The following RBMS1 variants were observed in gnomAD, a reference collection of about 807,000 sequenced individuals.
RBMS1 encodes RNA binding motif single stranded interacting protein 1, also known as RNA-binding motif, single-stranded-interacting protein 1.
Under a neutral mutation model 62.3 loss-of-function variants are expected in RBMS1, and 17 were observed. The ratio of observed to expected loss-of-function variants is 0.27; its 90% CI spans 0.19 to 0.41. The LOEUF (loss-of-function observed/expected upper bound fraction) is 0.41, where lower values mean the gene tolerates loss of function less well. Ranked by LOEUF, RBMS1 falls within the 10% of genes least tolerant of loss-of-function variation. RBMS1 has a pLI of 1.00. For missense variants in RBMS1, 334 were observed against 504.5 expected (o/e 0.66, Z 3.24); for synonymous variants, 172 against 170.0 (o/e 1.01, Z -0.09).
At chr2:160,317,001 ACT>A (rs1253291861) in intron 3 of RBMS1, among the ~76,000 whole-genome samples, 1 of 152,022 alleles carries the variant, frequency 6.6e-6, no homozygotes, top group Non-Finnish European at 1.5e-5. Flanking sequence ...CTATAATTTG[ACT>A]CTCTCTAGTT....
chr2:160,419,860 G>A (rs1350075130), intron 1 of RBMS1, among the ~76,000 whole-genome samples: 2 of 152,182 alleles, frequency 1.3e-5, no homozygotes, highest in Non-Finnish European at 2.9e-5. Context: ...AGTCTGGATA[G>A]TACAAAGGTT....
At chr2:160,392,647 T>C (rs941785494) in intron 1 of RBMS1, among the ~76,000 whole-genome samples, 9 of 152,116 alleles carry the variant, frequency 5.9e-5, no homozygotes, top group Admixed American at 5.2e-4. Context: ...TCTAGCACTT[T>C]GGGAAGTCAA....
At chr2:160,486,190 A>G (rs1311898797) in intron 1 of RBMS1, among the ~76,000 whole-genome samples, 2 of 152,190 alleles carry the variant, frequency 1.3e-5, no homozygotes, top group Admixed American at 6.5e-5. Flanking sequence ...AAAGTATTTA[A>G]CAGGGGAAAT....
At chr2:160,473,339 T>G (rs994703278) in intron 1 of RBMS1, among the ~76,000 whole-genome samples, 1 of 152,244 alleles carries the variant, frequency 6.6e-6, no homozygotes, top group Non-Finnish European at 1.5e-5. Context: ...ATAGGAATAT[T>G]CAATCAACTG....
intron 4 of RBMS1, among the ~76,000 whole-genome samples, chr2:160,306,128 CGT>C (rs60939006): frequency 0.64 from 95,221 of 149,678 alleles, 30,499 homozygotes; most frequent in Middle Eastern, 0.74. Flanking sequence ...TTGTTTCTCT[CGT>C]GTGTGTGTGT....
At chr2:160,326,744 G>C (rs1445577879) in intron 2 of RBMS1, among the ~76,000 whole-genome samples, 1 of 152,148 alleles carries the variant, frequency 6.6e-6, no homozygotes, top group Non-Finnish European at 1.5e-5. Flanking sequence ...ATTACAATGA[G>C]GGATGACGAG....
At chr2:160,340,579 T>G (rs1365088894) in intron 2 of RBMS1, among the ~76,000 whole-genome samples, 1 of 152,106 alleles carries the variant, frequency 6.6e-6, no homozygotes, top group Admixed American at 6.5e-5. Flanking sequence ...GAAAAAGATC[T>G]GAGGCAGGTG....
At chr2:160,352,651 C>G (rs2106007443) in intron 2 of RBMS1, among the ~76,000 whole-genome samples, 1 of 152,238 alleles carries the variant, frequency 6.6e-6, no homozygotes, top group South Asian at 2.1e-4. Flanking sequence ...CGTTGGTATT[C>G]TTTTGGAAAT....
rs962266084 is a variant in RBMS1, at chr2:160,439,928, G to A, written c.75+53361C>T. ...AAACCAGTCAGGCGTGGCGGCGCGCGCCTGCAATCGCAGGCACTCGGCAAG... is the reference window on the plus strand; with the variant it reads ...AAACCAGTCAGGCGTGGCGGCGCGCACCTGCAATCGCAGGCACTCGGCAAG... On this transcript the variant is annotated intron_variant, in intron 1 of 13. Coordinates refer to ENST00000348849, the MANE Select transcript of RBMS1 (RefSeq NM_016836.4). 6.0e-4 allele frequency among the ~76,000 whole-genome samples: 91 copies of A among 152,048 alleles called. 1 individual carries two copies. The South Asian group carries it at 0.018, about 31-fold the overall frequency.
intron 1 of RBMS1, among the ~76,000 whole-genome samples, chr2:160,423,284 T>G (rs866962953): frequency 1.3e-5 from 2 of 152,020 alleles, no homozygotes; most frequent in Middle Eastern, 3.4e-3. Flanking sequence ...CATTAATATA[T>G]TTTCCTTTTA....
chr2:160,412,289 C>T (rs542443050), intron 1 of RBMS1, among the ~76,000 whole-genome samples: 6 of 152,302 alleles, frequency 3.9e-5, no homozygotes, highest in African/African-American at 1.4e-4. Flanking sequence ...CCCAAAGCAA[C>T]AATTTTAAAA....
intron 2 of RBMS1, among the ~76,000 whole-genome samples, chr2:160,355,008 C>T (rs759846583): frequency 4.6e-5 from 7 of 152,216 alleles, no homozygotes; most frequent in Admixed American, 2.0e-4. Flanking sequence ...GGCTCTCTCA[C>T]GAAATTTCGT....
At chr2:160,465,848 A>G (rs1162988566) in intron 1 of RBMS1, among the ~76,000 whole-genome samples, 1 of 114,384 alleles carries the variant, frequency 8.7e-6, no homozygotes, top group East Asian at 3.2e-4. Context: ...CCCACACCAC[A>G]CACACACACA....
chr2:160,396,241 T>A (rs1330967965), intron 1 of RBMS1, among the ~76,000 whole-genome samples: 1 of 152,018 alleles, frequency 6.6e-6, no homozygotes, highest in African/African-American at 2.4e-5. Context: ...TTGAAAAAAA[T>A]TAACACTTTA....
At chr2:160,355,410 G>A (rs915740578) in intron 2 of RBMS1, among the ~76,000 whole-genome samples, 3 of 152,050 alleles carry the variant, frequency 2.0e-5, no homozygotes, top group African/African-American at 7.2e-5. Context: ...GAGTAGATGA[G>A]AATTTCCAGG....
intron 1 of RBMS1, among the ~76,000 whole-genome samples, chr2:160,489,174 G>C (rs765203788): frequency 3.9e-5 from 6 of 152,138 alleles, no homozygotes; most frequent in Admixed American, 6.5e-5. Context: ...GGAAGAGAAG[G>C]GTGCTACACT....
chr2:160,282,438 GT>G, intron 9 of RBMS1: 2 of 657,866 alleles, frequency 3.0e-6, no homozygotes, highest in South Asian at 1.4e-5. Context: ...GCTTATGGTG[GT>G]TTAGTGGAGA....
chr2:160,356,212 T>C (rs1692793380), intron 2 of RBMS1, among the ~76,000 whole-genome samples: 1 of 152,132 alleles, frequency 6.6e-6, no homozygotes, highest in African/African-American at 2.4e-5. Flanking sequence ...AACCAGGAGC[T>C]GAGTTTCATA....
intron 4 of RBMS1, among the ~76,000 whole-genome samples, chr2:160,311,240 A>ATATATATCTATATC (rs1553505465): frequency 3.3e-5 from 3 of 91,482 alleles, no homozygotes; most frequent in African/African-American, 1.0e-4. Flanking sequence ...ATCTATATAT[A>ATATATATCTATATC]TATATATATA....
Sources: allele counts gnomAD v4.1 joint callset (sites outside exome capture counted in the v4.1 genomes callset), GRCh38; gene constraint gnomAD v4.1.1; transcripts MANE v1.5; gene names NCBI Gene and HGNC (gene_info 2026-07-23, HGNC 2026-07-21).